The following PLPPR1 variants were observed in gnomAD, a reference collection of about 807,000 sequenced individuals.
The protein encoded by PLPPR1 is phospholipid phosphatase related 1, also known as phospholipid phosphatase-related protein type 1.
PLPPR1 carries 10 observed loss-of-function variants against 33.1 expected under a neutral mutation model. The ratio of observed to expected loss-of-function variants is 0.30; its 90% confidence interval spans 0.19 to 0.51. PLPPR1 has a LOEUF of 0.51. Among genes scored for constraint, PLPPR1 ranks in the 20% least tolerant of loss-of-function variants. PLPPR1 has a pLI of 0.97. For synonymous variants in PLPPR1, 151 were observed against 151.0 expected, an observed-to-expected ratio of 1.00 and a Z score of 0.00; for missense variants, 304 against 408.1, an observed-to-expected ratio of 0.74 and a Z score of 2.20.
intron 4 of PLPPR1, among the ~76,000 whole-genome samples, chr9:101,290,961 G>A (rs75520338): frequency 3.7e-4 from 57 of 152,346 alleles, no homozygotes; most frequent in African/African-American, 1.3e-3. Flanking sequence ...CGCACCAAGC[G>A]CGAGCCAAAG....
intron 4 of PLPPR1, among the ~76,000 whole-genome samples, chr9:101,308,967 G>T (rs895443302): frequency 6.6e-6 from 1 of 152,038 alleles, no homozygotes; most frequent in African/African-American, 2.4e-5. Context: ...AATTATTTTC[G>T]TTAGACTGTG....
rs530089285 is a variant in PLPPR1, at chr9:101,146,713, C to G, written c.-45-38737C>G. ...TGTTCTCTGCCTCTAATCTCCCTCT[C>G]ACCCCCAGCCAGGACACAGTACATT... On this transcript the variant is annotated intron_variant, in intron 1 of 7. Transcript: ENST00000374874. 9.2e-5 allele frequency among the ~76,000 whole-genome samples: 14 copies of G among 152,340 alleles called. No individual in the cohort carries two copies. In the South Asian group the frequency reaches 2.9e-3, roughly 32 times the overall value.
intron 1 of PLPPR1, among the ~76,000 whole-genome samples, chr9:101,029,717 G>C (rs1306457978): frequency 2.0e-5 from 3 of 152,092 alleles, no homozygotes; most frequent in African/African-American, 7.2e-5. Flanking sequence ...GGTGAGGCTC[G>C]GGTCAGTGCG....
intron 1 of PLPPR1, among the ~76,000 whole-genome samples, chr9:101,172,849 G>A (rs1825964230): frequency 6.6e-6 from 1 of 152,026 alleles, no homozygotes; most frequent in South Asian, 2.1e-4. Flanking sequence ...CAATCATGGG[G>A]CTCACCTCTG....
chr9:101,090,878 CT>C (rs1215078484), intron 1 of PLPPR1, among the ~76,000 whole-genome samples: 3 of 151,616 alleles, frequency 2.0e-5, no homozygotes, highest in Admixed American at 6.6e-5. Context: ...TCATGTGCTT[CT>C]TTTTTTTTCC....
At chr9:101,043,340 CAT>C (rs1453696831) in intron 1 of PLPPR1, among the ~76,000 whole-genome samples, 2 of 150,450 alleles carry the variant, frequency 1.3e-5, no homozygotes, top group African/African-American at 2.5e-5. Context: ...TATATACACA[CAT>C]ATACATGTGT....
At chr9:101,258,071 A>G (rs1277584583) in intron 2 of PLPPR1, among the ~76,000 whole-genome samples, 1 of 152,180 alleles carries the variant, frequency 6.6e-6, no homozygotes, top group Non-Finnish European at 1.5e-5. Context: ...CAGTCTTCCC[A>G]AAGCCAGTTC....
intron 1 of PLPPR1, among the ~76,000 whole-genome samples, chr9:101,120,030 T>C (rs1319682351): frequency 1.3e-5 from 2 of 152,214 alleles, no homozygotes; most frequent in African/African-American, 4.8e-5. Context: ...ACTTTTAGCC[T>C]CTGTTTTATT....
intron 4 of PLPPR1, among the ~76,000 whole-genome samples, chr9:101,286,872 A>G (rs1488181545): frequency 6.6e-6 from 1 of 152,222 alleles, no homozygotes; most frequent in African/African-American, 2.4e-5. Flanking sequence ...GTTCCTACAC[A>G]TTAAGTACTC....
At chr9:101,185,756 C>T (rs1392198098) in intron 2 of PLPPR1, among the ~76,000 whole-genome samples, 199 bp downstream of exon 2, 5 of 151,506 alleles carry the variant, frequency 3.3e-5, no homozygotes, top group African/African-American at 9.7e-5. Flanking sequence ...TTAAACTTCA[C>T]CTTTGGATAT....
intron 2 of PLPPR1, among the ~76,000 whole-genome samples, chr9:101,205,455 C>T (rs554892138): frequency 3.3e-5 from 5 of 152,106 alleles, no homozygotes; most frequent in Non-Finnish European, 7.4e-5. Context: ...AGACATAAAT[C>T]ATGAATAAGT....
chr9:101,095,659 T>C (rs1830807802), intron 1 of PLPPR1, among the ~76,000 whole-genome samples: 1 of 152,158 alleles, frequency 6.6e-6, no homozygotes, highest in African/African-American at 2.4e-5. Flanking sequence ...ACCATGTTTC[T>C]GAAATATTAA....
intron 6 of PLPPR1, among the ~76,000 whole-genome samples, chr9:101,316,436 C>CA (rs1360379973): frequency 1.2e-3 from 173 of 139,804 alleles, no homozygotes; most frequent in African/African-American, 3.9e-3. Context: ...GACTCTGTCT[C>CA]AAAAAAAAAG....
At chr9:101,073,893 GA>G (rs1272359790) in intron 1 of PLPPR1, among the ~76,000 whole-genome samples, 3 of 150,358 alleles carry the variant, frequency 2.0e-5, no homozygotes, top group African/African-American at 7.4e-5. Flanking sequence ...GACAGAAGAA[GA>G]TGAAGCCATG....
At chr9:101,258,054 G>C (rs1233537467) in intron 2 of PLPPR1, among the ~76,000 whole-genome samples, 2 of 152,180 alleles carry the variant, frequency 1.3e-5, no homozygotes, top group Admixed American at 1.3e-4. Flanking sequence ...TAGGCAGAAA[G>C]TTAAACCAGT....
chr9:101,242,912 T>G (rs771368005), intron 2 of PLPPR1, among the ~76,000 whole-genome samples: 1 of 152,034 alleles, frequency 6.6e-6, no homozygotes, highest in African/African-American at 2.4e-5. Flanking sequence ...TCATGTGCTA[T>G]AACAGGAAAA....
chr9:101,108,221 AAAT>A (rs775621165), intron 1 of PLPPR1, among the ~76,000 whole-genome samples: 12 of 152,208 alleles, frequency 7.9e-5, no homozygotes, highest in South Asian at 2.1e-4. Context: ...ATGTTTTTGG[AAAT>A]AATAATAATA....
At position 101,325,130 on chromosome 9, in the gene PLPPR1, A is replaced by G. The variant is rs564021204; in HGVS notation, c.*1073A>G. ...TAAAGAGAAGAAAAAGTTATCACAA[A>G]ATGTATTCTGGCTCATGTCTTTTGT... On this transcript the variant is annotated 3_prime_UTR_variant, in exon 8 of 8. Transcript: ENST00000374874. The G allele has an allele frequency of 6.6e-6, 1 of 152,218 alleles. No homozygotes were observed. The highest frequency in any genetic ancestry group is 6.5e-5 in the Admixed American group (1 of 15,298). The allele number at this position is 152,218 out of a possible 1,614,324, so 9.4% of individuals were successfully genotyped here.
chr9:101,209,173 A>G (rs1826640591), intron 2 of PLPPR1, among the ~76,000 whole-genome samples: 1 of 152,216 alleles, frequency 6.6e-6, no homozygotes, highest in Non-Finnish European at 1.5e-5. Context: ...TCGTGTTTTA[A>G]CAAGCCCTCC....
Sources: gnomAD v4.1 joint callset for allele counts (sites outside exome capture counted in the v4.1 genomes callset) on GRCh38, gnomAD v4.1.1 for gene constraint, MANE v1.5 for transcripts, NCBI Gene and HGNC (gene_info 2026-07-23, HGNC 2026-07-21) for gene names.